The following ANO4 variants were observed in gnomAD, a reference collection of about 807,000 sequenced individuals.
The protein encoded by ANO4 is anoctamin-4.
Under a neutral mutation model 141.9 loss-of-function variants are expected in ANO4, and 69 were observed. The ratio of observed to expected loss-of-function variants is 0.49; its 90% CI spans 0.40 to 0.59. The LOEUF (loss-of-function observed/expected upper bound fraction) is 0.59, where lower values mean the gene tolerates loss of function less well. Among genes scored for constraint, ANO4 ranks in the 20% least tolerant of loss-of-function variants. The pLI is 0.00. For missense variants in ANO4, 894 were observed against 1,162.2 expected (o/e 0.77, Z 3.36); for synonymous variants, 350 against 394.3 (o/e 0.89, Z 1.33).
chr12:100,861,558 A>C (rs890279643), intron 1 of ANO4, among the ~76,000 whole-genome samples: 9 of 152,196 alleles, frequency 5.9e-5, no homozygotes, highest in Non-Finnish European at 1.3e-4. Flanking sequence ...GCTCTTGATG[A>C]ATCAGTTTGT....
At chr12:100,943,943 A>G (rs1003289348) in intron 5 of ANO4, among the ~76,000 whole-genome samples, 1 of 152,158 alleles carries the variant, frequency 6.6e-6, no homozygotes, top group African/African-American at 2.4e-5. Context: ...AAAGATCTGA[A>G]TTGCTACTTA....
chr12:100,781,754 T>A (rs981286701), intron 3 of ANO4, among the ~76,000 whole-genome samples: 1 of 152,222 alleles, frequency 6.6e-6, no homozygotes, highest in Non-Finnish European at 1.5e-5. Flanking sequence ...CATGGATGCA[T>A]GTTTTGAAGA....
intron 3 of ANO4, among the ~76,000 whole-genome samples, chr12:100,767,173 A>G (rs1057153868): frequency 2.0e-5 from 3 of 152,064 alleles, no homozygotes; most frequent in Admixed American, 2.0e-4. Context: ...ATGTCTTTTT[A>G]TTGAAGAATT....
chr12:100,743,741 TA>T (rs1259224219), intron 3 of ANO4, among the ~76,000 whole-genome samples: 3 of 152,162 alleles, frequency 2.0e-5, no homozygotes, highest in Admixed American at 6.5e-5. Flanking sequence ...GGTTTGGGAG[TA>T]CACGTGCAGG....
At chr12:100,780,329 G>A (rs995254225) in intron 3 of ANO4, among the ~76,000 whole-genome samples, 4 of 152,186 alleles carry the variant, frequency 2.6e-5, no homozygotes, top group African/African-American at 9.6e-5. Flanking sequence ...TTAGAGCAAC[G>A]GGGTGCAGCA....
At chr12:101,030,299 A>C (rs1394038327) in intron 9 of ANO4, among the ~76,000 whole-genome samples, 4 of 152,250 alleles carry the variant, frequency 2.6e-5, no homozygotes, top group Non-Finnish European at 5.9e-5. Flanking sequence ...AGTGCAATCA[A>C]ATTAGAACTC....
chr12:100,827,096 C>A (rs562927673), intron 1 of ANO4, among the ~76,000 whole-genome samples: 1 of 152,084 alleles, frequency 6.6e-6, no homozygotes, highest in South Asian at 2.1e-4. Flanking sequence ...CCTATTACTC[C>A]CTTGCTGAAA....
At chr12:100,759,765 AC>A (rs1937658924) in intron 3 of ANO4, among the ~76,000 whole-genome samples, 1 of 152,206 alleles carries the variant, frequency 6.6e-6, no homozygotes, top group Non-Finnish European at 1.5e-5. Flanking sequence ...CCCATGGAAC[AC>A]CCAGTGTCTA....
At chr12:101,053,194 G>T (rs2047945027) in intron 14 of ANO4, among the ~76,000 whole-genome samples, 1 of 152,184 alleles carries the variant, frequency 6.6e-6, no homozygotes, top group Non-Finnish European at 1.5e-5. Flanking sequence ...GAGGCAAAAG[G>T]AAAAGCAGAA....
At chr12:100,876,388 G>T (rs145860978) in intron 1 of ANO4, among the ~76,000 whole-genome samples, 66 of 152,140 alleles carry the variant, frequency 4.3e-4, no homozygotes, top group African/African-American at 1.5e-3. Context: ...CTGTTGGAAT[G>T]AGCTGAAAAG....
chr12:100,968,287 G>A (rs1299436557), intron 5 of ANO4, among the ~76,000 whole-genome samples: 2 of 151,936 alleles, frequency 1.3e-5, no homozygotes, highest in Non-Finnish European at 2.9e-5. Flanking sequence ...TTCTCTGAGT[G>A]GAATATTTTA....
At chr12:100,906,455 TAAC>T (rs2040850434) in intron 2 of ANO4, among the ~76,000 whole-genome samples, 1 of 152,198 alleles carries the variant, frequency 6.6e-6, no homozygotes, top group Non-Finnish European at 1.5e-5. Context: ...CATATCTTAA[TAAC>T]ATTTATTTAA....
chr12:101,011,325 T>C (rs966765456), intron 8 of ANO4, among the ~76,000 whole-genome samples: 312 of 151,054 alleles, frequency 2.1e-3, no homozygotes, highest in African/African-American at 6.8e-3. Flanking sequence ...TTTCTTTTTT[T>C]TTTTTTTTTT....
At chr12:100,973,858 C>T (rs1025750712) in intron 6 of ANO4, among the ~76,000 whole-genome samples, 4 of 152,196 alleles carry the variant, frequency 2.6e-5, no homozygotes, top group Admixed American at 2.6e-4. Context: ...CATCACCTTC[C>T]TTCTCCCCCG....
intron 5 of ANO4, among the ~76,000 whole-genome samples, chr12:100,965,181 C>T (rs1041523818): frequency 6.6e-6 from 1 of 152,142 alleles, no homozygotes; most frequent in African/African-American, 2.4e-5. Flanking sequence ...CAGCTCCAGC[C>T]CCTCACTGCA....
At chr12:100,907,503 G>A (rs923489333) in intron 2 of ANO4, among the ~76,000 whole-genome samples, 2 of 152,146 alleles carry the variant, frequency 1.3e-5, no homozygotes, top group African/African-American at 4.8e-5. Context: ...TGGTCTTATA[G>A]TTCTCCCAGA....
At chr12:101,035,561 C>T (rs79514676) in intron 9 of ANO4, among the ~76,000 whole-genome samples, 12 of 152,266 alleles carry the variant, frequency 7.9e-5, no homozygotes, top group Admixed American at 1.3e-4. Flanking sequence ...AAAAGATCTG[C>T]GCATCCCTTC....
chr12:101,080,882 A>ATATATATATATATATT (rs1566219496), intron 15 of ANO4, among the ~76,000 whole-genome samples: 3 of 91,278 alleles, frequency 3.3e-5, no homozygotes, highest in South Asian at 3.2e-4. Context: ...ATATATATAT[A>ATATATATATATATATT]TTATATATAT....
At chr12:100,976,326 C>T (rs2044191607) in intron 7 of ANO4, among the ~76,000 whole-genome samples, 1 of 152,270 alleles carries the variant, frequency 6.6e-6, no homozygotes, top group East Asian at 1.9e-4. Flanking sequence ...CAGTGAAGTA[C>T]AGTGTGAGAA....
Sources: gnomAD v4.1 joint callset for allele counts (sites outside exome capture counted in the v4.1 genomes callset) on GRCh38, gnomAD v4.1.1 for gene constraint, MANE v1.5 for transcripts, NCBI Gene and HGNC (gene_info 2026-07-23, HGNC 2026-07-21) for gene names.